Variants in ZFAND3 observed in about 807,000 individuals in gnomAD.
ZFAND3 encodes AN1-type zinc finger protein 3.
In ZFAND3, 10 loss-of-function variants were observed where a neutral mutation model predicts 29.6. That is an observed-to-expected ratio of 0.34 (90% CI 0.21 to 0.57). The LOEUF is 0.57. Among genes scored for constraint, ZFAND3 ranks in the 20% least tolerant of loss-of-function variants. ZFAND3 has a pLI of 0.86. For missense variants in ZFAND3, 230 were observed against 304.5 expected, an observed-to-expected ratio of 0.76 and a Z score of 1.82; for synonymous variants, 128 against 112.6, an observed-to-expected ratio of 1.14 and a Z score of -0.87.
chr6:38,119,578 A>G (rs1765488321), intron 5 of ZFAND3, among the ~76,000 whole-genome samples: 1 of 152,204 alleles, frequency 6.6e-6, no homozygotes, highest in Non-Finnish European at 1.5e-5. Flanking sequence ...TTTTTGTAGC[A>G]TTCGATGCCT....
chr6:37,947,099 A>C (rs959776593), intron 2 of ZFAND3, among the ~76,000 whole-genome samples: 1 of 152,178 alleles, frequency 6.6e-6, no homozygotes, highest in Non-Finnish European at 1.5e-5. Context: ...ATAATGATTA[A>C]AATAGTGTTT....
intron 5 of ZFAND3, among the ~76,000 whole-genome samples, chr6:38,128,896 T>C (rs887346843): frequency 6.6e-6 from 1 of 152,214 alleles, no homozygotes; most frequent in Admixed American, 6.5e-5. Context: ...AGTTTTACTT[T>C]TAGTTTTTTA....
At chr6:38,108,245 A>G (rs1765245804) in intron 4 of ZFAND3, among the ~76,000 whole-genome samples, 1 of 152,198 alleles carries the variant, frequency 6.6e-6, no homozygotes, top group Non-Finnish European at 1.5e-5. Context: ...TCTGGGAGAA[A>G]AAAAGTATAA....
intron 1 of ZFAND3, among the ~76,000 whole-genome samples, chr6:37,877,602 A>T (rs567213705): frequency 6.6e-6 from 1 of 152,320 alleles, no homozygotes; most frequent in South Asian, 2.1e-4. Context: ...CCAGTGGATG[A>T]TGGTTTCACT....
At chr6:37,873,256 C>A (rs553228585) in intron 1 of ZFAND3, among the ~76,000 whole-genome samples, 1 of 152,058 alleles carries the variant, frequency 6.6e-6, no homozygotes, top group Admixed American at 6.5e-5. Flanking sequence ...GGTGACAGAG[C>A]GAGACTCCGT....
intron 1 of ZFAND3, among the ~76,000 whole-genome samples, chr6:37,886,314 T>A (rs1203764607): frequency 1.4e-5 from 2 of 145,078 alleles, no homozygotes; most frequent in Non-Finnish European, 3.0e-5. Context: ...CAACCTTGAT[T>A]ACTACAACCA....
chr6:37,918,709 G>T (rs1404038992), intron 1 of ZFAND3, among the ~76,000 whole-genome samples: 1 of 152,094 alleles, frequency 6.6e-6, no homozygotes, highest in Non-Finnish European at 1.5e-5. Flanking sequence ...GGTAGGACAG[G>T]TGAATATTTA....
At chr6:38,002,470 G>A (rs2127440138) in intron 2 of ZFAND3, among the ~76,000 whole-genome samples, 1 of 151,918 alleles carries the variant, frequency 6.6e-6, no homozygotes, top group African/African-American at 2.4e-5. Context: ...CTTGAACCCA[G>A]GAATCCGAGA....
At chr6:38,119,582 G>A (rs1208113301) in intron 5 of ZFAND3, among the ~76,000 whole-genome samples, 1 of 152,082 alleles carries the variant, frequency 6.6e-6, no homozygotes, top group Non-Finnish European at 1.5e-5. Context: ...TGTAGCATTC[G>A]ATGCCTAGAG....
chr6:37,928,127 T>A (rs905120287), intron 1 of ZFAND3, among the ~76,000 whole-genome samples: 1 of 152,220 alleles, frequency 6.6e-6, no homozygotes, highest in Non-Finnish European at 1.5e-5. Context: ...TAAAGGAATA[T>A]CTACTTGTTG....
intron 5 of ZFAND3, among the ~76,000 whole-genome samples, chr6:38,123,997 A>C (rs1765582532): frequency 6.6e-6 from 1 of 152,114 alleles, no homozygotes; most frequent in Non-Finnish European, 1.5e-5. Flanking sequence ...TTATTCTCTT[A>C]TCTGGCCCCC....
chr6:38,117,853 C>T (rs1377712283), intron 5 of ZFAND3, among the ~76,000 whole-genome samples: 1 of 152,180 alleles, frequency 6.6e-6, no homozygotes, highest in Non-Finnish European at 1.5e-5. Flanking sequence ...AATTATCTGC[C>T]CTATTGGAAA....
chr6:38,021,654 A>G (rs1348891431), intron 2 of ZFAND3, among the ~76,000 whole-genome samples: 2 of 152,210 alleles, frequency 1.3e-5, no homozygotes, highest in Admixed American at 6.5e-5. Context: ...CTGAAGATAT[A>G]TGGGTGAAAA....
intron 1 of ZFAND3, among the ~76,000 whole-genome samples, chr6:37,867,901 A>G (rs1212368901): frequency 2.6e-5 from 4 of 152,214 alleles, no homozygotes; most frequent in Non-Finnish European, 5.9e-5. Flanking sequence ...TATATGATTT[A>G]ATATTTTTGA....
chr6:37,938,119 A>T (rs867776417), intron 2 of ZFAND3, among the ~76,000 whole-genome samples: 2 of 152,186 alleles, frequency 1.3e-5, no homozygotes, highest in Non-Finnish European at 2.9e-5. Flanking sequence ...GGGCATTTAT[A>T]TAAATATTGT....
At chr6:37,941,452 T>C (rs1242329600) in intron 2 of ZFAND3, among the ~76,000 whole-genome samples, 1 of 152,188 alleles carries the variant, frequency 6.6e-6, no homozygotes, top group Non-Finnish European at 1.5e-5. Context: ...AGTAGCTAAT[T>C]TAGGAAAAGG....
intron 1 of ZFAND3, among the ~76,000 whole-genome samples, chr6:37,849,008 A>G (rs998549416): frequency 5.9e-5 from 9 of 152,242 alleles, no homozygotes; most frequent in African/African-American, 1.7e-4. Context: ...AATTTGAAAT[A>G]AAAAATCAAC....
At chr6:38,121,217 A>G (rs1049917476) in intron 5 of ZFAND3, among the ~76,000 whole-genome samples, 9 of 152,176 alleles carry the variant, frequency 5.9e-5, no homozygotes, top group Non-Finnish European at 1.2e-4. Context: ...CCCTGTCTCT[A>G]TGAAAAATTA....
intron 2 of ZFAND3, among the ~76,000 whole-genome samples, chr6:38,016,916 ACT>A (rs1318549335): frequency 6.6e-6 from 1 of 151,818 alleles, no homozygotes; most frequent in African/African-American, 2.4e-5. Flanking sequence ...AGCGAGGAAA[ACT>A]CTTCCTTACT....
Sources: allele counts gnomAD v4.1 joint callset (sites outside exome capture counted in the v4.1 genomes callset), GRCh38; gene constraint gnomAD v4.1.1; transcripts MANE v1.5; gene names NCBI Gene and HGNC (gene_info 2026-07-23, HGNC 2026-07-21).